The following SUMF1 variants were observed in gnomAD, a reference collection of about 807,000 sequenced individuals.
SUMF1 encodes the protein sulfatase modifying factor 1, also known as formylglycine-generating enzyme.
Under a neutral mutation model 47.6 loss-of-function variants are expected in SUMF1, and 48 were observed. The ratio of observed to expected loss-of-function variants is 1.01; its 90% CI spans 0.80 to 1.28. The LOEUF (loss-of-function observed/expected upper bound fraction) is 1.28. Ranked by LOEUF, SUMF1 falls within the 50% of genes most tolerant of loss-of-function variation. The probability of loss-of-function intolerance (pLI) is 0.00; values close to 1 mark genes in which losing one functional copy is unlikely to be tolerated. For synonymous variants in SUMF1, 230 were observed against 192.1 expected (o/e 1.20, Z -1.63); for missense variants, 571 against 485.4 (o/e 1.18, Z -1.66).
At chr3:4,419,857 T>C (rs771687393) in intron 4 of SUMF1, among the ~76,000 whole-genome samples, 16 of 152,250 alleles carry the variant, frequency 1.1e-4, no homozygotes, top group Non-Finnish European at 2.2e-4. Flanking sequence ...AAGAGGCCAC[T>C]AATTAAGAGC....
intron 3 of SUMF1, among the ~76,000 whole-genome samples, chr3:4,427,400 G>A (rs1045193151): frequency 2.0e-5 from 3 of 152,100 alleles, no homozygotes; most frequent in African/African-American, 7.2e-5. Context: ...AACCAGAGGA[G>A]AATTTAGCAA....
chr3:4,367,088 AGAG>A (rs1481247410), intron 8 of SUMF1, among the ~76,000 whole-genome samples: 1 of 151,994 alleles, frequency 6.6e-6, no homozygotes, highest in Non-Finnish European at 1.5e-5. Flanking sequence ...GTTTTGTCTC[AGAG>A]GAGTACCCGG....
intron 3 of SUMF1, among the ~76,000 whole-genome samples, chr3:4,442,290 C>G (rs1387588424): frequency 6.7e-6 from 1 of 148,964 alleles, no homozygotes; most frequent in Non-Finnish European, 1.5e-5. Context: ...GAGTCTCGCT[C>G]TGTCGCCCAG....
At chr3:4,265,415 C>G (rs1426371890) in intron 8 of SUMF1, among the ~76,000 whole-genome samples, 1 of 152,016 alleles carries the variant, frequency 6.6e-6, no homozygotes, top group Non-Finnish European at 1.5e-5. Context: ...TTTTTGGCAA[C>G]AATGATCATG....
At chr3:4,268,816 A>G (rs1697249559) in intron 8 of SUMF1, among the ~76,000 whole-genome samples, 1 of 152,152 alleles carries the variant, frequency 6.6e-6, no homozygotes. Context: ...GCATTCTTCT[A>G]GTTAATTTTA....
intron 8 of SUMF1, among the ~76,000 whole-genome samples, chr3:4,110,151 C>T (rs1274717540): frequency 6.6e-6 from 1 of 152,162 alleles, no homozygotes; most frequent in African/African-American, 2.4e-5. Context: ...ACAGTCAGGA[C>T]CCTCAGCTGC....
chr3:4,178,589 G>C (rs1295521499), intron 8 of SUMF1, among the ~76,000 whole-genome samples: 1 of 152,108 alleles, frequency 6.6e-6, no homozygotes, highest in Non-Finnish European at 1.5e-5. Context: ...ATATCATACT[G>C]AATGGGCAAA....
chr3:4,151,299 C>T (rs1188050088), intron 8 of SUMF1, among the ~76,000 whole-genome samples: 1 of 148,382 alleles, frequency 6.7e-6, no homozygotes, highest in African/African-American at 2.5e-5. Flanking sequence ...TGGAGTGCTG[C>T]TGCTAGTCTG....
chr3:4,211,099 C>T (rs940596967), intron 8 of SUMF1, among the ~76,000 whole-genome samples: 6 of 50,684 alleles, frequency 1.2e-4, no homozygotes, highest in Admixed American at 3.9e-4. Context: ...CCTTAATAAA[C>T]TCCCATATAT....
intron 8 of SUMF1, among the ~76,000 whole-genome samples, chr3:4,259,977 T>C (rs2125022132): frequency 6.6e-6 from 1 of 151,424 alleles, no homozygotes; most frequent in Non-Finnish European, 1.5e-5. Flanking sequence ...TAGAAAGTCC[T>C]CTCAAATATC....
chr3:4,037,009 A>G (rs59794918), intron 9 of SUMF1, among the ~76,000 whole-genome samples: 4,004 of 152,192 alleles, frequency 0.026, 185 homozygotes, highest in African/African-American at 0.092. Flanking sequence ...ACACAGCTTA[A>G]AAGTTTCAAG....
intron 8 of SUMF1, among the ~76,000 whole-genome samples, chr3:4,172,470 G>T (rs919247302): frequency 3.9e-5 from 6 of 152,128 alleles, no homozygotes; most frequent in African/African-American, 1.4e-4. Context: ...ATTCTTCTGA[G>T]AACTTTCCTT....
chr3:4,050,763 A>G (rs1295053544), intron 9 of SUMF1, among the ~76,000 whole-genome samples: 37 of 146,430 alleles, frequency 2.5e-4, no homozygotes, highest in South Asian at 2.3e-3. Context: ...AAAAAAAAAA[A>G]AAAGAAAGAA....
Position 4,236,897 on chromosome 3 carries a change from A to T in SUMF1, c.1014+139433T>A, listed in dbSNP as rs71313815. Among the ~76,000 whole-genome samples, 465 of 152,200 alleles carry T rather than the reference A, an allele frequency of 3.1e-3. 3 individuals are homozygous for T. Among genetic ancestry groups the T allele is most frequent in the Admixed American group, 6.2e-3 (94 of 15,268 alleles). ...CAAAAACTCTGTGTTCCACCTATTCATCCCTGTTACCCCACTGACCCCTGT... is the reference window on the plus strand; with the variant it reads ...CAAAAACTCTGTGTTCCACCTATTCTTCCCTGTTACCCCACTGACCCCTGT... On this transcript the variant is annotated intron_variant and NMD_transcript_variant, in intron 8 of 12. Coordinates refer to the SUMF1 transcript ENST00000448413.
Position 4,313,255 on chromosome 3 carries a change from G to A in SUMF1, c.1014+63075C>T, listed in dbSNP as rs753783828. The A allele has an allele frequency of 1.1e-5, 18 of 1,613,800 alleles. No homozygotes were observed. In the African/African-American group the frequency reaches 2.1e-4, roughly 19 times the overall value. On this transcript the variant is annotated intron_variant and NMD_transcript_variant, in intron 8 of 12. Transcript: ENST00000448413. ...GTTTGTCTGTGAATATGCTGGTGAG[G>A]TTTTAGGATTCTCTGAAGTTCAGAG... is the stretch of plus-strand genomic sequence containing the variant.
At chr3:4,303,007 TC>T (rs1698010414) in intron 8 of SUMF1, among the ~76,000 whole-genome samples, 2 of 152,140 alleles carry the variant, frequency 1.3e-5, no homozygotes, top group African/African-American at 2.4e-5. Context: ...GGTGTGCGTT[TC>T]CCCGCTCGGT....
chr3:4,089,277 T>C (rs755404429), intron 8 of SUMF1, among the ~76,000 whole-genome samples: 25 of 152,172 alleles, frequency 1.6e-4, no homozygotes, highest in Non-Finnish European at 3.1e-4. Flanking sequence ...ACTTTCCCTA[T>C]GATTAGTAAT....
chr3:4,466,215 A>C (rs935481729), intron 1 of SUMF1, among the ~76,000 whole-genome samples: 7 of 151,014 alleles, frequency 4.6e-5, no homozygotes, highest in Non-Finnish European at 7.4e-5. Flanking sequence ...GGGTTCCAGC[A>C]ATTCTCCTGC....
intron 3 of SUMF1, among the ~76,000 whole-genome samples, chr3:4,433,763 G>A (rs1000709756): frequency 6.6e-6 from 1 of 152,222 alleles, no homozygotes; most frequent in Non-Finnish European, 1.5e-5. Context: ...GGGACATCTA[G>A]AGTTGTATGC....
Sources: allele counts gnomAD v4.1 joint callset (sites outside exome capture counted in the v4.1 genomes callset), GRCh38; gene constraint gnomAD v4.1.1; transcripts MANE v1.5; gene names NCBI Gene and HGNC (gene_info 2026-07-23, HGNC 2026-07-21).